The following VWA2 variants were observed in gnomAD, a reference collection of about 807,000 sequenced individuals.
VWA2 encodes the protein von Willebrand factor A domain containing 2.
Under a neutral mutation model 70.4 loss-of-function variants are expected in VWA2, and 73 were observed. The observed-to-expected ratio is 1.04, with a 90% CI of 0.86 to 1.26. The LOEUF (loss-of-function observed/expected upper bound fraction) is 1.26. Ranked by LOEUF, VWA2 falls within the 50% of genes most tolerant of loss-of-function variation. The pLI, the probability that VWA2 is intolerant of heterozygous loss-of-function variation, is 0.00. For missense variants in VWA2, 1,011 were observed against 998.5 expected, an observed-to-expected ratio of 1.01 and a Z score of -0.17; for synonymous variants, 407 against 423.3, an observed-to-expected ratio of 0.96 and a Z score of 0.47.
At chr10:114,262,568 T>C (rs1422767565) in intron 5 of VWA2, among the ~76,000 whole-genome samples, 5 of 152,056 alleles carry the variant, frequency 3.3e-5, no homozygotes, top group African/African-American at 1.2e-4. Context: ...TCTCCTCCCA[T>C]TGCAAAGGCT....
At chr10:114,242,292 C>T (rs942965884) in intron 1 of VWA2, among the ~76,000 whole-genome samples, 3 of 152,156 alleles carry the variant, frequency 2.0e-5, no homozygotes, top group African/African-American at 7.2e-5. Context: ...GATGGTGTTA[C>T]CTCCGTTTTA....
chr10:114,293,141 A>T lies in VWA2; in HGVS notation c.*1904A>T, dbSNP rs903487659. Reference sequence around the variant, plus strand: ...TATCACCAAGATTTTAGATATTAAAAAGTCTGGTGTACCAGACATTGAGTC... The same window carrying T: ...TATCACCAAGATTTTAGATATTAAATAGTCTGGTGTACCAGACATTGAGTC... On this transcript the variant is annotated 3_prime_UTR_variant, in exon 14 of 14. Transcript: ENST00000392982. 6.6e-6 allele frequency among the ~76,000 whole-genome samples: 1 copy of T among 152,252 alleles called. No homozygotes were observed. Among genetic ancestry groups the T allele is most frequent in the African/African-American group, 2.4e-5 (1 of 41,474 alleles).
rs1408913181 is a variant in VWA2 at position 114,292,768 on chromosome 10, C to A, written c.*1531C>A. 6.6e-6 allele frequency among the ~76,000 whole-genome samples: 1 copy of A among 151,842 alleles called. No homozygotes were observed. The highest frequency in any genetic ancestry group is 1.9e-4 in the East Asian group (1 of 5,184). ...TTGCCCAGGCTAGAGTGCAGTGGTA[C>A]AATCTTGGCTCACTGCAACCTTTGC... On this transcript the variant is annotated 3_prime_UTR_variant, in exon 14 of 14. Coordinates refer to ENST00000392982, the MANE Select transcript of VWA2 (RefSeq NM_001272046.2).
chr10:114,268,978 C>T (rs1421319917), intron 5 of VWA2, among the ~76,000 whole-genome samples: 1 of 151,938 alleles, frequency 6.6e-6, no homozygotes, highest in East Asian at 2.0e-4. Flanking sequence ...TTCCAAAGTG[C>T]TGGGATTACA....
At position 114,285,937 on chromosome 10, in the gene VWA2, A is replaced by G. The variant is rs534205981; in HGVS notation, c.998-2A>G. 9 of 1,585,926 alleles carry G rather than the reference A, an allele frequency of 5.7e-6. No individual in the cohort carries two copies. The highest frequency in any genetic ancestry group is 1.7e-5 in the Admixed American group (1 of 58,786). ...CAGTGGGTGTTGCTGTGATCCCCGC[A>G]GCCCTGAAGCTGAGCCTGGAATGCA... On this transcript the variant is annotated splice_acceptor_variant, in intron 10 of 13. Coordinates refer to ENST00000392982, the MANE Select transcript of VWA2 (RefSeq NM_001272046.2). LOFTEE classifies it high-confidence loss of function.
chr10:114,278,471 C>G (rs1011293808), intron 7 of VWA2, among the ~76,000 whole-genome samples: 1 of 152,208 alleles, frequency 6.6e-6, no homozygotes, highest in East Asian at 1.9e-4. Flanking sequence ...CATGTGTGCC[C>G]ATTACGCAAA....
rs117088680 is a variant in VWA2, at chr10:114,250,266, C to T, written c.52+1501C>T. ...TATTCACCACTATATTATTTCAGGGCGGGCATGGCTCACGGTTTATGCTTC... is the reference window on the plus strand; with the variant it reads ...TATTCACCACTATATTATTTCAGGGTGGGCATGGCTCACGGTTTATGCTTC... On this transcript the variant is annotated intron_variant, in intron 2 of 13. Transcript: ENST00000392982. Among the ~76,000 whole-genome samples, 1,282 of 152,306 alleles carry T rather than the reference C, an allele frequency of 8.4e-3. 7 individuals are homozygous for T. Among genetic ancestry groups the T allele is most frequent in the Middle Eastern group, 0.014 (4 of 294 alleles).
chr10:114,286,142 C>T lies in VWA2; in HGVS notation c.1201C>T (p.Gln401Ter), dbSNP rs1162007767. 1.1e-5 allele frequency: 17 copies of T among 1,614,100 alleles called. No homozygotes were observed. The Admixed American group carries it at 2.0e-4, about 19-fold the overall frequency. ...GGTGGCGGTGCCTGTGGGGGAGTAC[C>T]AGGATGTGCCTGACCTGGTCTGGAG... is the stretch of plus-strand genomic sequence containing the variant. The part of the protein sequence containing the change: ...LLVAVPVGEY[Q>*]DVPDLVWSLD... The change falls in exon 11 of 14, where the codon CAG (glutamine) becomes TAG (stop). Residue 401 changes from glutamine to a stop codon, truncating the protein, a stop_gained. Coordinates refer to ENST00000392982, the MANE Select transcript of VWA2 (RefSeq NM_001272046.2). LOFTEE classifies it high-confidence loss of function.
At chr10:114,252,637 C>A (rs112346343) in intron 2 of VWA2, among the ~76,000 whole-genome samples, 3 of 152,246 alleles carry the variant, frequency 2.0e-5, no homozygotes, top group African/African-American at 7.2e-5. Context: ...CCTGGCCTCC[C>A]TGCTGAATCT....
Position 114,289,112 on chromosome 10 carries a change from C to A in VWA2, c.1745C>A (p.Ala582Asp). 1 of 1,614,110 alleles carries A rather than the reference C, an allele frequency of 6.2e-7. No individual in the cohort carries two copies. Among genetic ancestry groups the A allele is most frequent in the Non-Finnish European group, 8.5e-7 (1 of 1,180,004 alleles). ...GTGTATGGCAGCCAGGTGCAGACTG[C>A]CTTCGGGCTGGACACCAAACCCACC... ...LVVYGSQVQT[A>D]FGLDTKPTRA... is the part of the protein sequence containing the mutation. The change falls in exon 12 of 14, where the codon GCC (alanine) becomes GAC (aspartate). Residue 582 changes from alanine (A) to aspartate (D), a missense_variant. Physicochemically the swap from Ala to Asp is moderately radical, Grantham distance 126 (BLOSUM62 -2). Transcript: ENST00000392982.
At chr10:114,278,992 A>G in intron 8 of VWA2, 141 bp downstream of exon 8, 1 of 1,306,220 alleles carries the variant, frequency 7.7e-7, no homozygotes, top group Non-Finnish European at 1.1e-6. Context: ...CCAGGGACGT[A>G]GCCATGGGAG....
intron 2 of VWA2, among the ~76,000 whole-genome samples, chr10:114,251,880 G>C (rs2037204275): frequency 6.7e-6 from 1 of 148,182 alleles, no homozygotes; most frequent in African/African-American, 2.5e-5. Flanking sequence ...GGAGTGCAGT[G>C]GTGCACTCTT....
At chr10:114,261,380 G>T in intron 5 of VWA2, 85 bp downstream of exon 5, 3 of 1,091,080 alleles carry the variant, frequency 2.7e-6, no homozygotes, top group Non-Finnish European at 4.1e-6. Context: ...TCCTGCTCTG[G>T]GCTCACAGAG....
intron 9 of VWA2, among the ~76,000 whole-genome samples, chr10:114,284,294 G>T (rs917094205): frequency 6.6e-6 from 1 of 152,048 alleles, no homozygotes; most frequent in Admixed American, 6.5e-5. Context: ...GACTTTCTGC[G>T]GATTAATTCA....
chr10:114,265,971 G>T (rs1356161727), intron 5 of VWA2, among the ~76,000 whole-genome samples: 1 of 152,144 alleles, frequency 6.6e-6, no homozygotes, highest in African/African-American at 2.4e-5. Context: ...GGAGCACTTT[G>T]TTCTTTTTCT....
intron 4 of VWA2, among the ~76,000 whole-genome samples, chr10:114,255,709 CA>C (rs984224417): frequency 3.3e-5 from 5 of 152,114 alleles, no homozygotes; most frequent in Non-Finnish European, 5.9e-5. Context: ...TCTTGTTCTT[CA>C]AATAGTAGGT....
chr10:114,261,712 C>T (rs952661787), intron 5 of VWA2, among the ~76,000 whole-genome samples: 1 of 152,132 alleles, frequency 6.6e-6, no homozygotes, highest in South Asian at 2.1e-4. Context: ...GTAAGTGCCC[C>T]CCTGTTATTA....
At chr10:114,266,262 A>G (rs1429908069) in intron 5 of VWA2, among the ~76,000 whole-genome samples, 1 of 151,994 alleles carries the variant, frequency 6.6e-6, no homozygotes, top group African/African-American at 2.4e-5. Flanking sequence ...GCGCCACTGC[A>G]CTCCAGCCTG....
intron 11 of VWA2, among the ~76,000 whole-genome samples, chr10:114,287,197 T>C (rs2039010933): frequency 6.6e-6 from 1 of 152,188 alleles, no homozygotes; most frequent in African/African-American, 2.4e-5. Flanking sequence ...TTTTTTTCTT[T>C]TGAGACAGGG....
Sources: allele counts gnomAD v4.1 joint callset (sites outside exome capture counted in the v4.1 genomes callset), GRCh38; gene constraint gnomAD v4.1.1; transcripts MANE v1.5; gene names NCBI Gene and HGNC (gene_info 2026-07-23, HGNC 2026-07-21).